TLL1: variants seen among roughly 807,000 people sequenced by gnomAD.
TLL1 encodes the protein tolloid like 1, also known as tolloid-like protein 1.
In TLL1, 49 loss-of-function variants were observed where a neutral mutation model predicts 128.2. The observed-to-expected ratio is 0.38, with a 90% CI of 0.30 to 0.48. The LOEUF (loss-of-function observed/expected upper bound fraction) is 0.48, where lower values mean the gene tolerates loss of function less well. Ranked by LOEUF, TLL1 falls within the 20% of genes least tolerant of loss-of-function variation. The pLI is 0.96. For missense variants in TLL1, 1,123 were observed against 1,242.0 expected (o/e 0.90, Z 1.44); for synonymous variants, 454 against 418.8 (o/e 1.08, Z -1.03).
chr4:165,944,577 G>T, intron 1 of TLL1, among the ~76,000 whole-genome samples: 2 of 151,922 alleles, frequency 1.3e-5, no homozygotes, highest in East Asian at 1.9e-4. Flanking sequence ...ATAATTATGG[G>T]GTTTTAAGCA....
Position 166,072,999 on chromosome 4 carries a change from C to G in TLL1, c.2189-1879C>G, listed in dbSNP as rs182337309. 1.0e-3 allele frequency among the ~76,000 whole-genome samples: 155 copies of G among 152,264 alleles called. 1 individual carries two copies. The highest frequency in any genetic ancestry group is 3.6e-3 in the African/African-American group (151 of 41,566). On this transcript the variant is annotated intron_variant, in intron 16 of 20. Coordinates refer to ENST00000061240, the MANE Select transcript of TLL1 (RefSeq NM_012464.5). ...ACCCAGGGTACAACTGAGCTTCACTCTATCGGGTCTTATATTAAGTATACC... is the reference window on the plus strand; with the variant it reads ...ACCCAGGGTACAACTGAGCTTCACTGTATCGGGTCTTATATTAAGTATACC...
At chr4:166,026,035 A>G (rs1738476311) in intron 9 of TLL1, among the ~76,000 whole-genome samples, 1 of 152,198 alleles carries the variant, frequency 6.6e-6, no homozygotes, top group Non-Finnish European at 1.5e-5. Flanking sequence ...AAAATAACAT[A>G]TGATTGGAAG....
intron 17 of TLL1, among the ~76,000 whole-genome samples, chr4:166,077,146 A>G (rs1206363059): frequency 6.6e-6 from 1 of 152,150 alleles, no homozygotes. Context: ...TAGAAAGAGC[A>G]CAGCTTGAGG....
At chr4:166,039,734 C>T (rs1739158886) in intron 10 of TLL1, among the ~76,000 whole-genome samples, 1 of 151,924 alleles carries the variant, frequency 6.6e-6, no homozygotes, top group South Asian at 2.1e-4. Context: ...GTACTCCTCA[C>T]AGTGTTTCTG....
Position 166,025,373 on chromosome 4 carries a change from A to T in TLL1, c.1100A>T (p.Asn367Ile). ...NGNLSSPGFPNGYPSYTHCIW... is the reference protein window; with the variant it reads ...NGNLSSPGFPIGYPSYTHCIW... The stretch of plus-strand genomic sequence containing the variant: ...AACCTTTCCTCTCCAGGATTTCCCA[A>T]TGGCTACCCTTCTTACACACACTGC... The change falls in exon 9 of 21, where the codon AAT (asparagine) becomes ATT (isoleucine). Residue 367 changes from asparagine (N) to isoleucine (I), a missense_variant. Physicochemically the swap from Asn to Ile is moderately radical, Grantham distance 149. This residue lies in a region of TLL1 where 480 missense variants were observed against 542.4 expected (regional missense o/e 0.89). Transcript: ENST00000061240. 6.2e-7 allele frequency: 1 copy of T among 1,613,974 alleles called. No homozygotes were observed.
At chr4:165,900,860 C>A (rs991740900) in intron 1 of TLL1, among the ~76,000 whole-genome samples, 1 of 152,172 alleles carries the variant, frequency 6.6e-6, no homozygotes, top group Non-Finnish European at 1.5e-5. Flanking sequence ...CTCCCCATCA[C>A]TTTCAGGTAC....
At chr4:165,998,973 A>T (rs1737023024) in intron 5 of TLL1, among the ~76,000 whole-genome samples, 1 of 152,128 alleles carries the variant, frequency 6.6e-6, no homozygotes, top group Non-Finnish European at 1.5e-5. Context: ...TTTGCGAACA[A>T]CAGAGACTGG....
intron 5 of TLL1, among the ~76,000 whole-genome samples, chr4:166,002,655 G>A (rs113031173): frequency 0.013 from 2,048 of 152,078 alleles, 44 homozygotes; most frequent in African/African-American, 0.047. Context: ...ATGTTTCCTA[G>A]GCTGGTCTCA....
chr4:166,010,183 T>C (rs373914046), intron 7 of TLL1, among the ~76,000 whole-genome samples: 3 of 151,606 alleles, frequency 2.0e-5, no homozygotes, highest in East Asian at 3.9e-4. Flanking sequence ...TAATATTCCA[T>C]TGTAAGTATA....
chr4:165,980,688 G>A (rs1446742130), intron 1 of TLL1, among the ~76,000 whole-genome samples: 1 of 151,906 alleles, frequency 6.6e-6, no homozygotes, highest in Non-Finnish European at 1.5e-5. Context: ...TGAGCCTACT[G>A]GAATTTTTTA....
At chr4:165,961,333 A>G (rs1735088991) in intron 1 of TLL1, among the ~76,000 whole-genome samples, 2 of 151,942 alleles carry the variant, frequency 1.3e-5, no homozygotes. Flanking sequence ...TCACAAACGA[A>G]TGGAAAAACC....
chr4:165,953,893 T>C (rs537637720), intron 1 of TLL1, among the ~76,000 whole-genome samples: 2 of 152,202 alleles, frequency 1.3e-5, no homozygotes, highest in African/African-American at 4.8e-5. Flanking sequence ...CAAAATCTCT[T>C]GTAATAAAGA....
intron 15 of TLL1, among the ~76,000 whole-genome samples, chr4:166,062,894 T>G (rs895141648): frequency 6.6e-6 from 1 of 152,210 alleles, no homozygotes; most frequent in African/African-American, 2.4e-5. Context: ...ATACATCCCA[T>G]CAATACCTAG....
At chr4:166,005,618 T>C (rs61095236) in intron 6 of TLL1, among the ~76,000 whole-genome samples, 2,039 of 152,018 alleles carry the variant, frequency 0.013, 41 homozygotes, top group African/African-American at 0.047. Flanking sequence ...GAGCCGACTA[T>C]CAAGATTCGT....
rs143507799 is a variant in TLL1, at chr4:166,002,121, G to A, written c.633-1270G>A. Among the ~76,000 whole-genome samples the A allele has an allele frequency of 2.0e-5, 3 of 152,240 alleles. No homozygotes were observed. The East Asian group carries it at 5.8e-4, about 30-fold the overall frequency. ...CTCACAGTTCTGGAGACGCGGCACT[G>A]CAGAATTGGTGTCTGGTAAGGGCCT... On this transcript the variant is annotated intron_variant, in intron 5 of 20. Coordinates refer to ENST00000061240, the MANE Select transcript of TLL1 (RefSeq NM_012464.5).
At chr4:166,093,588 T>C (rs1270174854) in intron 19 of TLL1, among the ~76,000 whole-genome samples, 3 of 152,158 alleles carry the variant, frequency 2.0e-5, no homozygotes, top group East Asian at 1.9e-4. Flanking sequence ...CTTTCCTCTA[T>C]CTGAACTGCA....
chr4:165,886,041 T>G (rs1164222762), intron 1 of TLL1, among the ~76,000 whole-genome samples: 1 of 106,120 alleles, frequency 9.4e-6, no homozygotes, highest in African/African-American at 3.9e-5. Flanking sequence ...GTTAACTCAT[T>G]TTATGTATTT....
At chr4:165,961,191 A>G (rs1735083083) in intron 1 of TLL1, among the ~76,000 whole-genome samples, 1 of 152,014 alleles carries the variant, frequency 6.6e-6, no homozygotes, top group Admixed American at 6.6e-5. Context: ...CAAGCTGAGA[A>G]CTAAGTCAAG....
intron 19 of TLL1, among the ~76,000 whole-genome samples, chr4:166,097,721 A>T (rs17047264): frequency 0.06 from 9,197 of 152,162 alleles, 502 homozygotes; most frequent in African/African-American, 0.14. Flanking sequence ...CAGCTGCCTA[A>T]CCATCTTCAC....
Sources: allele counts gnomAD v4.1 joint callset (sites outside exome capture counted in the v4.1 genomes callset), GRCh38; gene constraint gnomAD v4.1.1; regional missense constraint gnomAD v4.1.1; transcripts MANE v1.5; gene names NCBI Gene and HGNC (gene_info 2026-07-23, HGNC 2026-07-21).